The following HOXA10 variants were observed in gnomAD, a reference collection of about 807,000 sequenced individuals.
The protein encoded by HOXA10 is homeobox A10.
In HOXA10, 12 loss-of-function variants were observed where a neutral mutation model predicts 29.7. The ratio of observed to expected loss-of-function variants is 0.40; its 90% confidence interval spans 0.26 to 0.65. The LOEUF (loss-of-function observed/expected upper bound fraction) is 0.65, where lower values mean the gene tolerates loss of function less well. HOXA10 is among the 30% of genes least tolerant of loss of function. The pLI is 0.37. For missense variants in HOXA10, 656 were observed against 585.9 expected (o/e 1.12, Z -1.24); for synonymous variants, 327 against 280.7 (o/e 1.16, Z -1.65).
In HOXA10 at chr7:27,173,537, G is replaced by A; in HGVS notation, c.770C>T (p.Ala257Val). The A allele has an allele frequency of 1.4e-6, 2 of 1,454,188 alleles. No homozygotes were observed. Among genetic ancestry groups the A allele is most frequent in the Non-Finnish European group, 1.8e-6 (2 of 1,112,166 alleles). 90.1% of individuals were successfully genotyped at this position (1,454,188 alleles called of 1,614,324 possible). A position where few individuals can be genotyped will look rare whatever the true frequency, so the allele number is the denominator to read the frequency against. The part of the protein sequence containing the change: ...GRGFDLPPAL[A>V]SGSADAARKE... ...CCGGGCCGCATCGGCCGAGCCGGAG[G>A]CTAGCGCGGGCGGGAGATCGAAACC... Residue 257 changes from alanine (A) to valine (V), a missense_variant, in exon 1 of 2, where the codon GCC becomes GTC. Ala to Val is a moderately conservative substitution (Grantham distance 64, BLOSUM62 0). Around this residue, in one of 2 missense-constraint regions of HOXA10, gnomAD observed 594 missense variants for 491.9 expected, o/e 1.21. Transcript: ENST00000283921.
chr7:27,174,139 A>T lies in HOXA10; in HGVS notation c.168T>A (p.Gly56=). ...GGTAGACCCCGCCGTGGGCGTAGTA[A>T]CCGCCACCGCCGCCGCCCCCCGCGC... is the stretch of plus-strand genomic sequence containing the variant. ...GGGAGGGGGG[G]YYAHGGVYLP... Residue 56 remains glycine, a synonymous_variant, in exon 1 of 2, where the codon GGT becomes GGA. Transcript: ENST00000283921. 2 of 1,593,454 alleles carry T rather than the reference A, an allele frequency of 1.3e-6. No homozygotes were observed. The highest frequency in any genetic ancestry group is 4.5e-5 in the East Asian group (2 of 44,640).
At chr7:27,179,407 G>C (rs555180486) in intron 1 of HOXA10, among the ~76,000 whole-genome samples, 1 of 150,570 alleles carries the variant, frequency 6.6e-6, no homozygotes, top group Non-Finnish European at 1.5e-5. Context: ...TCTATTCTGT[G>C]TATTTCTACA....
chr7:27,173,402 A>G lies in HOXA10; in HGVS notation c.905T>C (p.Leu302Pro). 2 of 1,610,106 alleles carry G rather than the reference A, an allele frequency of 1.2e-6. No individual in the cohort carries two copies. Among genetic ancestry groups the G allele is most frequent in the South Asian group, 2.2e-5 (2 of 90,906 alleles). ...AHASSSAAEE[L>P]SPAPSESSKA... ...GCTGCTCTCGGAAGGGGCCGGGGAGAGCTCCTCCGCGGCCGAGGACGACGC... is the reference window on the plus strand; with the variant it reads ...GCTGCTCTCGGAAGGGGCCGGGGAGGGCTCCTCCGCGGCCGAGGACGACGC... The change falls in exon 1 of 2, where the codon CTC becomes CCC. Residue 302 changes from leucine (L) to proline (P), a missense_variant. By Grantham distance (98) the Leu-to-Pro change is moderately conservative (BLOSUM62 -3). This residue lies in a region of HOXA10 where 594 missense variants were observed against 491.9 expected (regional missense o/e 1.21). Transcript: ENST00000283921.
At position 27,174,226 on chromosome 7, in the gene HOXA10, G is replaced by T. The variant is rs761581039; in HGVS notation, c.81C>A (p.Asn27Lys). ...TMSCSESPAA[N>K]SFLVDSLISS... ...TGATGAGCGAGTCGACCAAAAAAGAGTTCGCGGCGGGGCTCTCCGAGCATG... is the reference window on the plus strand; with the variant it reads ...TGATGAGCGAGTCGACCAAAAAAGATTTCGCGGCGGGGCTCTCCGAGCATG... Residue 27 changes from asparagine to lysine, a missense_variant, in exon 1 of 2, where the codon AAC (asparagine) becomes AAA (lysine). Asn to Lys is a moderately conservative substitution (Grantham distance 94). Coordinates refer to ENST00000283921, the MANE Select transcript of HOXA10 (RefSeq NM_018951.4). The T allele has an allele frequency of 6.2e-7, 1 of 1,601,244 alleles. No individual in the cohort carries two copies. The highest frequency in any genetic ancestry group is 2.2e-5 in the East Asian group (1 of 44,864).
At chr7:27,178,936 C>G (rs1783702249), upstream of HOXA10, among the ~76,000 whole-genome samples, 4 of 152,122 alleles carry the variant, frequency 2.6e-5, no homozygotes, top group South Asian at 6.2e-4. Flanking sequence ...ATCCTCGGTT[C>G]CAGCTTTTTA....
At chr7:27,178,701 G>C (rs542752854), upstream of HOXA10, among the ~76,000 whole-genome samples, 2 of 152,310 alleles carry the variant, frequency 1.3e-5, no homozygotes, top group Non-Finnish European at 2.9e-5. Context: ...CAAAATTTAC[G>C]CAACAAACAG....
intron 1 of HOXA10, chr7:27,173,040 A>T: frequency 2.3e-6 from 1 of 435,616 alleles, no homozygotes; most frequent in Non-Finnish European, 4.2e-6. Context: ...GGCAGGGACC[A>T]GGGCTCTGGG....
chr7:27,177,439 G>T (rs547105452), upstream of HOXA10, among the ~76,000 whole-genome samples: 1 of 152,140 alleles, frequency 6.6e-6, no homozygotes, highest in South Asian at 2.1e-4. Flanking sequence ...AGACACTGCC[G>T]GTGAGCTGGC....
In HOXA10 at chr7:27,171,929, C is replaced by T. The variant is rs34957925; in HGVS notation, c.1203G>A (p.Arg401=). Residue 401 remains arginine, a synonymous_variant, in exon 2 of 2, where the codon CGG becomes CGA. Transcript: ENST00000283921. ...LKKMNRENRI[R]ELTANFNFS ...AAAAATTAAAGTTGGCTGTGAGCTC[C>T]CGGATCCGGTTTTCTCGATTCATTT... is the stretch of plus-strand genomic sequence containing the variant. The T allele has an allele frequency of 0.034, 54,861 of 1,614,060 alleles. 1,102 individuals carry two copies. The highest frequency in any genetic ancestry group is 0.041 in the Non-Finnish European group (48,295 of 1,179,956).
At position 27,171,720 on chromosome 7, in the gene HOXA10, C is replaced by T. The variant is rs1376894847; in HGVS notation, c.*179G>A. The T allele has an allele frequency of 1.3e-6, 1 of 763,486 alleles. No individual in the cohort carries two copies. The highest frequency in any genetic ancestry group is 2.4e-6 in the Non-Finnish European group (1 of 421,560). 47.3% of individuals were successfully genotyped at this position (763,486 alleles called of 1,614,324 possible). A position where few individuals can be genotyped will look rare whatever the true frequency, so the allele number is the denominator to read the frequency against. On this transcript the variant is annotated 3_prime_UTR_variant, in exon 2 of 2. Transcript: ENST00000283921. ...CAAATAAACCAGCACCAAGCAAACACAAAGAAACAAAAAGTCAGAACAAAC... is the reference window on the plus strand; with the variant it reads ...CAAATAAACCAGCACCAAGCAAACATAAAGAAACAAAAAGTCAGAACAAAC...
chr7:27,175,834 ACT>A (rs1222242561), upstream of HOXA10, among the ~76,000 whole-genome samples: 13 of 151,922 alleles, frequency 8.6e-5, no homozygotes, highest in East Asian at 1.9e-4. Context: ...GCTGGGAAAG[ACT>A]CTTGCATCCG....
intron 1 of HOXA10, among the ~76,000 whole-genome samples, 164 bp downstream of exon 1, chr7:27,173,185 G>T (rs1783547236): frequency 6.6e-6 from 1 of 152,230 alleles, no homozygotes; most frequent in Admixed American, 6.5e-5. Flanking sequence ...ATTTTACTGC[G>T]TCCCCACGCC....
At position 27,173,437 on chromosome 7, in the gene HOXA10, C is replaced by T. The variant is rs767547709; in HGVS notation, c.870G>A (p.Glu290=). 177 of 1,577,470 alleles carry T rather than the reference C, an allele frequency of 1.1e-4. No individual in the cohort carries two copies. The highest frequency in any genetic ancestry group is 2.9e-5 in the Non-Finnish European group (34 of 1,164,462). ...CGGCCGAGGACGACGCGTGCGCCTC[C>T]TCGTCGCCCTGCGAGCCCCCGCCGC... The part of the protein sequence containing the change: ...CGSGGGSQGD[E]EAHASSSAAE... The change falls in exon 1 of 2, where the codon GAG becomes GAA. Residue 290 remains glutamate (E), a synonymous_variant. Transcript: ENST00000283921.
intron 1 of HOXA10, chr7:27,173,010 G>T: frequency 2.8e-6 from 1 of 352,058 alleles, no homozygotes; most frequent in African/African-American, 2.2e-5. Context: ...CCCCCCGCGT[G>T]GGCCGCGCCG....
rs754921470 is a variant in HOXA10 at position 27,172,004 on chromosome 7, C to A, written c.1128G>T (p.Thr376=). ...GAAACCAGATTTTCACTTGTCTGTCCGTGAGGTGGACGCTGCGGCTAATCT... is the reference window on the plus strand; with the variant it reads ...GAAACCAGATTTTCACTTGTCTGTCAGTGAGGTGGACGCTGCGGCTAATCT... The part of the protein sequence containing the change: ...RLEISRSVHL[T]DRQVKIWFQN... Residue 376 remains threonine, a synonymous_variant, in exon 2 of 2, where the codon ACG becomes ACT. Coordinates refer to ENST00000283921, the MANE Select transcript of HOXA10 (RefSeq NM_018951.4). 1 of 1,613,960 alleles carries A rather than the reference C, an allele frequency of 6.2e-7. No homozygotes were observed. Among genetic ancestry groups the A allele is most frequent in the African/African-American group, 1.3e-5 (1 of 74,894 alleles).
In HOXA10 at chr7:27,171,025, T is replaced by C; in HGVS notation, c.*874A>G. 1 of 453,596 alleles carries C rather than the reference T, an allele frequency of 2.2e-6. No homozygotes were observed. The allele number at this position is 453,596 out of a possible 1,614,324, so 28.1% of individuals were successfully genotyped here. On this transcript the variant is annotated 3_prime_UTR_variant, in exon 2 of 2. Transcript: ENST00000283921. ...CAACTTCACAAGATAGGGAGAATTG[T>C]GGTGTGCTTGTCACATGTTACCAGT... is the stretch of plus-strand genomic sequence containing the variant.
At chr7:27,172,417 T>C in intron 1 of HOXA10, 2 of 580,170 alleles carry the variant, frequency 3.4e-6, no homozygotes, top group Non-Finnish European at 6.1e-6. Context: ...CAAACACCTG[T>C]TTTAGCGCTA....
At chr7:27,175,466 C>G (rs1333987202), upstream of HOXA10, among the ~76,000 whole-genome samples, 1 of 152,120 alleles carries the variant, frequency 6.6e-6, no homozygotes, top group Non-Finnish European at 1.5e-5. Context: ...TGCATTTTAA[C>G]GAGGCCTCGG....
upstream of HOXA10, among the ~76,000 whole-genome samples, chr7:27,177,120 C>CAA (rs1338314225): frequency 3.9e-5 from 6 of 152,222 alleles, no homozygotes; most frequent in African/African-American, 1.4e-4. Flanking sequence ...ACCAAGGTTA[C>CAA]AAAAGTCAGT....
Sources: gnomAD v4.1 joint callset for allele counts (sites outside exome capture counted in the v4.1 genomes callset) on GRCh38, gnomAD v4.1.1 for gene constraint, gnomAD v4.1.1 regional missense constraint, MANE v1.5 for transcripts, NCBI Gene and HGNC (gene_info 2026-07-23, HGNC 2026-07-21) for gene names.